Variants in HLCS observed in about 807,000 individuals in gnomAD.
The protein encoded by HLCS is biotin--protein ligase.
HLCS carries 53 observed loss-of-function variants against 75.0 expected under a neutral mutation model. The ratio of observed to expected loss-of-function variants is 0.71; its 90% CI spans 0.57 to 0.89. The LOEUF is 0.89. Among genes scored for constraint, HLCS ranks in the 40% least tolerant of loss-of-function variants. The probability of loss-of-function intolerance (pLI) is 0.00; values close to 1 mark genes in which losing one functional copy is unlikely to be tolerated. For synonymous variants in HLCS, 431 were observed against 428.6 expected (o/e 1.01, Z -0.07); for missense variants, 966 against 1,074.0 (o/e 0.90, Z 1.41).
chr21:36,888,089 G>A (rs1364239917), intron 6 of HLCS, among the ~76,000 whole-genome samples: 1 of 151,966 alleles, frequency 6.6e-6, no homozygotes, highest in Non-Finnish European at 1.5e-5. Flanking sequence ...TCTCCAGCTT[G>A]ACTCTTGACT....
At chr21:36,870,440 C>T (rs2063730587) in intron 6 of HLCS, among the ~76,000 whole-genome samples, 1 of 152,160 alleles carries the variant, frequency 6.6e-6, no homozygotes, top group Non-Finnish European at 1.5e-5. Context: ...CTTATATGAG[C>T]ATATTTCCCC....
intron 5 of HLCS, among the ~76,000 whole-genome samples, chr21:36,915,786 C>T (rs1193778792): frequency 6.6e-6 from 1 of 150,626 alleles, no homozygotes; most frequent in Non-Finnish European, 1.5e-5. Context: ...AATAACCTAA[C>T]AACCTGTTAG....
intron 6 of HLCS, among the ~76,000 whole-genome samples, chr21:36,869,097 A>AATTAATTTATTT: frequency 9.2e-6 from 1 of 109,156 alleles, no homozygotes; most frequent in South Asian, 3.2e-4. Context: ...AAAGATGTTT[A>AATTAATTTATTT]ATTTATTTAT....
intron 9 of HLCS, among the ~76,000 whole-genome samples, chr21:36,757,196 C>T (rs1306704646): frequency 6.6e-6 from 1 of 152,184 alleles, no homozygotes; most frequent in Non-Finnish European, 1.5e-5. Context: ...GAGTTTTATT[C>T]AGGACTTGGG....
chr21:36,837,480 C>T (rs2146080235), intron 6 of HLCS, among the ~76,000 whole-genome samples: 1 of 152,078 alleles, frequency 6.6e-6, no homozygotes, highest in Non-Finnish European at 1.5e-5. Flanking sequence ...AGGAAAAAGT[C>T]CAAACAGAAT....
At chr21:36,813,771 T>C (rs2061579980) in intron 6 of HLCS, among the ~76,000 whole-genome samples, 1 of 152,186 alleles carries the variant, frequency 6.6e-6, no homozygotes, top group Non-Finnish European at 1.5e-5. Context: ...TGGAAGTACC[T>C]AACAATAAGA....
Position 36,948,728 on chromosome 21 carries a change from CAA to C in HLCS, c.331-9736_331-9735del, listed in dbSNP as rs58685577. Among the ~76,000 whole-genome samples, 397 of 55,842 alleles carry C rather than the reference CAA, an allele frequency of 7.1e-3. 1 individual carries two copies. Among genetic ancestry groups the C allele is most frequent in the African/African-American group, 0.022 (250 of 11,436 alleles). 36.6% of individuals were successfully genotyped at this position (55,842 alleles called of 152,430 possible). ...TGGATGACAGAATGAGACCCTGTCT[CAA>C]AAAAAAAAAAAAAAAAAAAAAAAAG... On this transcript the variant is annotated intron_variant, in intron 2 of 10. Coordinates refer to ENST00000674895, the MANE Select transcript of HLCS (RefSeq NM_001352514.2).
Position 36,881,273 on chromosome 21 carries a change from CAG to C in HLCS, c.1892+15585_1892+15586del, listed in dbSNP as rs201914823. 6.6e-5 allele frequency among the ~76,000 whole-genome samples: 10 copies of C among 152,232 alleles called. No homozygotes were observed. In the East Asian group the frequency reaches 1.9e-3, roughly 29 times the overall value. Reference sequence around the variant, plus strand: ...ACGTGAGCCACCACGCCTGGCCCGGCAGAGATTTTTCTTCTCGGATATCACTC... The same window carrying C: ...ACGTGAGCCACCACGCCTGGCCCGGCAGATTTTTCTTCTCGGATATCACTC... On this transcript the variant is annotated intron_variant, in intron 6 of 10. Transcript: ENST00000674895.
intron 5 of HLCS, among the ~76,000 whole-genome samples, chr21:36,906,861 T>C (rs1228631147): frequency 6.6e-6 from 1 of 152,204 alleles, no homozygotes; most frequent in African/African-American, 2.4e-5. Flanking sequence ...TATAGATTAC[T>C]GGCACAGAAT....
rs1009778 is a variant in HLCS at position 36,896,559 on chromosome 21, G to A, written c.1892+301C>T. ...TGATAACCTGAGCAATAATGCCACC[G>A]GTTAAACATCTTTTTTCATAATATT... On this transcript the variant is annotated intron_variant, in intron 6 of 10. Coordinates refer to ENST00000674895, the MANE Select transcript of HLCS (RefSeq NM_001352514.2). 0.29 allele frequency: 125,023 copies of A among 425,178 alleles called. 24,835 individuals carry two copies. The highest frequency in any genetic ancestry group is 0.72 in the African/African-American group (36,170 of 49,996). 26.3% of individuals were successfully genotyped at this position (425,178 alleles called of 1,614,324 possible). A position where few individuals can be genotyped will look rare whatever the true frequency, so the allele number is the denominator to read the frequency against.
intron 6 of HLCS, among the ~76,000 whole-genome samples, chr21:36,843,255 ATGGC>A (rs2062676584): frequency 1.3e-5 from 2 of 152,336 alleles, no homozygotes; most frequent in African/African-American, 4.8e-5. Flanking sequence ...CCTGGGAAAC[ATGGC>A]AAGACCCTGT....
intron 5 of HLCS, among the ~76,000 whole-genome samples, chr21:36,919,449 G>A (rs1275892453): frequency 2.6e-5 from 4 of 152,314 alleles, no homozygotes; most frequent in East Asian, 1.9e-4. Flanking sequence ...TGAGTTGAAC[G>A]ATGGAGAAGT....
At chr21:36,972,236 A>G (rs374652350) in intron 1 of HLCS, 4 of 152,342 alleles carry the variant, frequency 2.6e-5, no homozygotes, top group African/African-American at 7.2e-5. Context: ...ACAGACTTCT[A>G]TGAGCAAGCA....
chr21:36,838,791 T>G (rs56410700), intron 6 of HLCS, among the ~76,000 whole-genome samples: 1 of 151,038 alleles, frequency 6.6e-6, no homozygotes, highest in Non-Finnish European at 1.5e-5. Flanking sequence ...GGGGTAGAGA[T>G]TGCAGTGAAA....
At chr21:36,951,361 T>G (rs1046733133) in intron 2 of HLCS, among the ~76,000 whole-genome samples, 2 of 152,186 alleles carry the variant, frequency 1.3e-5, no homozygotes, top group African/African-American at 4.8e-5. Flanking sequence ...ATGCTTTCTG[T>G]GCATCTGCAC....
chr21:36,779,412 A>G (rs1376224058), intron 6 of HLCS, among the ~76,000 whole-genome samples: 5 of 152,058 alleles, frequency 3.3e-5, no homozygotes, highest in East Asian at 1.9e-4. Flanking sequence ...TTTGAAAACC[A>G]TAAGTTCATC....
At chr21:36,944,464 A>C (rs2067289703) in intron 2 of HLCS, among the ~76,000 whole-genome samples, 1 of 152,244 alleles carries the variant, frequency 6.6e-6, no homozygotes, top group African/African-American at 2.4e-5. Flanking sequence ...TAAATTCATC[A>C]AAACACACAG....
At chr21:36,786,951 C>A (rs527920787) in intron 6 of HLCS, among the ~76,000 whole-genome samples, 1 of 152,172 alleles carries the variant, frequency 6.6e-6, no homozygotes, top group African/African-American at 2.4e-5. Context: ...TGGCTCACTT[C>A]GGCAGGGGTG....
chr21:36,897,268 C>A, intron 5 of HLCS, 137 bp from the exon 6 acceptor site: 1 of 801,846 alleles, frequency 1.2e-6, no homozygotes. Context: ...TAACATATTC[C>A]ATACATCTAA....
Sources: allele counts gnomAD v4.1 joint callset (sites outside exome capture counted in the v4.1 genomes callset), GRCh38; gene constraint gnomAD v4.1.1; transcripts MANE v1.5; gene names NCBI Gene and HGNC (gene_info 2026-07-23, HGNC 2026-07-21).